PRKCE: variants seen among roughly 807,000 people sequenced by gnomAD.
PRKCE encodes protein kinase C epsilon.
A neutral mutation model predicts 85.4 loss-of-function variants in PRKCE; 16 were observed. The observed-to-expected ratio is 0.19, with a 90% CI of 0.13 to 0.28. The LOEUF (loss-of-function observed/expected upper bound fraction) is 0.28. Ranked by LOEUF, PRKCE falls within the 10% of genes least tolerant of loss-of-function variation. The probability of loss-of-function intolerance (pLI) is 1.00; values close to 1 mark genes in which losing one functional copy is unlikely to be tolerated. For synonymous variants in PRKCE, 388 were observed against 371.5 expected, an observed-to-expected ratio of 1.04 and a Z score of -0.51; for missense variants, 573 against 975.2, an observed-to-expected ratio of 0.59 and a Z score of 5.49.
chr2:45,670,600 C>G (rs752401305), intron 1 of PRKCE, among the ~76,000 whole-genome samples: 12 of 152,146 alleles, frequency 7.9e-5, no homozygotes, highest in Non-Finnish European at 1.3e-4. Context: ...AACACAGTTT[C>G]TCATTCAATC....
intron 3 of PRKCE, 75 bp downstream of exon 3, chr2:45,976,663 A>T: frequency 6.7e-7 from 1 of 1,488,048 alleles, no homozygotes; most frequent in Admixed American, 1.8e-5. Context: ...AGGGGAGACT[A>T]TGCACCTCAT....
intron 1 of PRKCE, among the ~76,000 whole-genome samples, chr2:45,727,275 G>T (rs117724494): frequency 6.6e-6 from 1 of 152,314 alleles, no homozygotes; most frequent in South Asian, 2.1e-4. Flanking sequence ...TGGTGATAAG[G>T]GAGATACAGT....
Position 46,085,736 on chromosome 2 carries a change from GTTTTTTTTTT to G in PRKCE, c.1438-469_1438-460del, listed in dbSNP as rs1170933914. Among the ~76,000 whole-genome samples the G allele has an allele frequency of 8.6e-5, 9 of 104,574 alleles. 3 individuals are homozygous for G. In the East Asian group the frequency reaches 1.3e-3, roughly 15 times the overall value. The allele number at this position is 104,574 out of a possible 152,430, so 68.6% of individuals were successfully genotyped here. ...TCACTTAATTACATCTGCAAAATCC[GTTTTTTTTTT>G]TTGTTTTTGTTTTTTTTTTTTTTTT... is the stretch of plus-strand genomic sequence containing the variant. On this transcript the variant is annotated intron_variant, in intron 10 of 14. Transcript: ENST00000306156.
chr2:45,860,645 G>A (rs978206953), intron 2 of PRKCE, among the ~76,000 whole-genome samples: 9 of 152,294 alleles, frequency 5.9e-5, no homozygotes, highest in Admixed American at 2.0e-4. Context: ...GGGTGTAGTG[G>A]CTGTGGTGGC....
intron 1 of PRKCE, among the ~76,000 whole-genome samples, chr2:45,761,596 CT>C (rs1469961804): frequency 6.6e-6 from 1 of 152,124 alleles, no homozygotes; most frequent in Non-Finnish European, 1.5e-5. Context: ...ATTGGCCTCA[CT>C]TTTGGGTCTA....
At chr2:46,113,456 T>C (rs1333004781) in intron 11 of PRKCE, among the ~76,000 whole-genome samples, 1 of 152,110 alleles carries the variant, frequency 6.6e-6, no homozygotes, top group Non-Finnish European at 1.5e-5. Context: ...AAATCATAGA[T>C]ATTATTATTG....
intron 1 of PRKCE, among the ~76,000 whole-genome samples, chr2:45,756,238 T>A (rs748149370): frequency 3.9e-5 from 6 of 152,176 alleles, no homozygotes; most frequent in Non-Finnish European, 8.8e-5. Flanking sequence ...ATCCTGGACT[T>A]CTTTGAAAAA....
At chr2:45,983,019 C>G (rs1337084418) in intron 5 of PRKCE, among the ~76,000 whole-genome samples, 2 of 152,204 alleles carry the variant, frequency 1.3e-5, no homozygotes, top group Non-Finnish European at 2.9e-5. Flanking sequence ...GAGACCATGG[C>G]AGAGTCAACA....
chr2:46,035,651 T>C (rs1206323187), intron 10 of PRKCE, among the ~76,000 whole-genome samples: 1 of 152,272 alleles, frequency 6.6e-6, no homozygotes, highest in East Asian at 1.9e-4. Context: ...ATGCCATATA[T>C]GTGCGTGTGT....
chr2:45,822,026 G>A (rs1689575641), intron 1 of PRKCE, among the ~76,000 whole-genome samples: 2 of 152,190 alleles, frequency 1.3e-5, no homozygotes. Flanking sequence ...GGGAGGACCT[G>A]TAGCCGGCTT....
At chr2:45,797,961 C>G (rs549736290) in intron 1 of PRKCE, among the ~76,000 whole-genome samples, 3 of 152,196 alleles carry the variant, frequency 2.0e-5, no homozygotes, top group African/African-American at 7.2e-5. Flanking sequence ...TGAGTTCCTT[C>G]GCCAAAACCC....
intron 1 of PRKCE, among the ~76,000 whole-genome samples, chr2:45,755,875 A>T (rs1014669711): frequency 1.3e-5 from 2 of 152,150 alleles, no homozygotes; most frequent in African/African-American, 4.8e-5. Flanking sequence ...ACCAGAAGAA[A>T]CTTCCTTAAA....
chr2:46,073,313 CA>C (rs1668236070), intron 10 of PRKCE: 1 of 152,208 alleles, frequency 6.6e-6, no homozygotes, highest in Non-Finnish European at 1.5e-5. Context: ...AACTTCTACC[CA>C]CTGGGCTTAG....
chr2:45,898,709 CAT>C (rs1451632228), intron 2 of PRKCE, among the ~76,000 whole-genome samples: 7 of 152,088 alleles, frequency 4.6e-5, no homozygotes, highest in African/African-American at 1.7e-4. Context: ...AGGGGTGGGA[CAT>C]AGAAATAGAG....
At chr2:45,995,892 T>C (rs189584513) in intron 6 of PRKCE, among the ~76,000 whole-genome samples, 1 of 152,348 alleles carries the variant, frequency 6.6e-6, no homozygotes, top group Admixed American at 6.5e-5. Context: ...AGTTTGTCGA[T>C]ATCCATAAAT....
intron 1 of PRKCE, among the ~76,000 whole-genome samples, chr2:45,759,333 G>A (rs34267529): frequency 0.36 from 55,271 of 152,108 alleles, 10,132 homozygotes; most frequent in East Asian, 0.39. Flanking sequence ...TTAGGCTGAC[G>A]GGGCCTGGAG....
In PRKCE at chr2:45,953,676, A is replaced by C. The variant is rs190931596; in HGVS notation, c.413-22753A>C. 3.3e-5 allele frequency among the ~76,000 whole-genome samples: 5 copies of C among 152,230 alleles called. No homozygotes were observed. The East Asian group carries it at 9.7e-4, about 29-fold the overall frequency. On this transcript the variant is annotated intron_variant, in intron 2 of 14. Transcript: ENST00000306156. Reference sequence around the variant, plus strand: ...CATCCACTCTTGCTGTCACTGCTTTAAACACTGGCTGCACATTAGAATCCC... The same window carrying C: ...CATCCACTCTTGCTGTCACTGCTTTCAACACTGGCTGCACATTAGAATCCC...
rs756221604 is a variant in PRKCE at position 46,186,422 on chromosome 2, T to G, written c.*1541T>G. The G allele has an allele frequency of 2.6e-5, 4 of 152,638 alleles. No individual in the cohort carries two copies. The highest frequency in any genetic ancestry group is 5.9e-5 in the Non-Finnish European group (4 of 68,046). 9.5% of individuals were successfully genotyped at this position (152,638 alleles called of 1,614,324 possible). On this transcript the variant is annotated 3_prime_UTR_variant, in exon 15 of 15. Transcript: ENST00000306156. ...TTGCTGCAAGGCCTGTGGAATTAAT[T>G]CGTTGCATATAGAGGTATCAACTGC...
intron 11 of PRKCE, among the ~76,000 whole-genome samples, chr2:46,097,152 A>G (rs1391691538): frequency 6.6e-6 from 1 of 152,166 alleles, no homozygotes; most frequent in Admixed American, 6.5e-5. Context: ...GGGACAGGAT[A>G]TATTGACACT....
Sources: allele counts gnomAD v4.1 joint callset (sites outside exome capture counted in the v4.1 genomes callset), GRCh38; gene constraint gnomAD v4.1.1; transcripts MANE v1.5; gene names NCBI Gene and HGNC (gene_info 2026-07-23, HGNC 2026-07-21).